The following EPB41L3 variants were observed in gnomAD, a reference collection of about 807,000 sequenced individuals.
EPB41L3 encodes the protein erythrocyte membrane protein band 4.1 like 3, also known as band 4.1-like protein 3.
Under a neutral mutation model 127.1 loss-of-function variants are expected in EPB41L3, and 57 were observed. The ratio of observed to expected loss-of-function variants is 0.45; its 90% CI spans 0.36 to 0.56. The LOEUF (loss-of-function observed/expected upper bound fraction) is 0.56. Among genes scored for constraint, EPB41L3 ranks in the 20% least tolerant of loss-of-function variants. EPB41L3 has a pLI of 0.00. For synonymous variants in EPB41L3, 572 were observed against 549.5 expected (o/e 1.04, Z -0.57); for missense variants, 1,273 against 1,372.2 (o/e 0.93, Z 1.14).
At chr18:5,434,145 A>G in intron 6 of EPB41L3, 24 bp from the exon 7 acceptor site, 3 of 1,596,586 alleles carry the variant, frequency 1.9e-6, no homozygotes, top group Non-Finnish European at 2.6e-6. Flanking sequence ...AAAGCACAAC[A>G]CAACGAAGGC....
intron 3 of EPB41L3, among the ~76,000 whole-genome samples, chr18:5,591,702 C>T (rs1248701932): frequency 6.6e-6 from 1 of 152,160 alleles, no homozygotes; most frequent in African/African-American, 2.4e-5. Flanking sequence ...TGTCATTTTT[C>T]TTTTGTAAAA....
In EPB41L3 at chr18:5,611,258, G is replaced by A. The variant is rs556853020; in HGVS notation, c.-306+1082C>T. 4.6e-5 allele frequency among the ~76,000 whole-genome samples: 7 copies of A among 152,322 alleles called. No homozygotes were observed. In the South Asian group the frequency reaches 1.4e-3, roughly 32 times the overall value. Reference sequence around the variant, plus strand: ...CAGAAACTACACGTGTCCATTGATGGATGAATGGACAAACAAAATGTGGTA... The same window carrying A: ...CAGAAACTACACGTGTCCATTGATGAATGAATGGACAAACAAAATGTGGTA... On this transcript the variant is annotated intron_variant, in intron 3 of 21. Coordinates refer to the EPB41L3 transcript ENST00000545076.
At chr18:5,420,159 A>G (rs1397373959) in intron 11 of EPB41L3, 2 of 523,840 alleles carry the variant, frequency 3.8e-6, no homozygotes, top group East Asian at 7.6e-5. Flanking sequence ...TTGGAATTTC[A>G]TCTATCCTCA....
At chr18:5,420,241 T>C (rs1415737731) in intron 11 of EPB41L3, 3 of 315,382 alleles carry the variant, frequency 9.5e-6, no homozygotes, top group African/African-American at 2.2e-5. Context: ...CCGCTGGGCA[T>C]ATTATCACCA....
At chr18:5,400,466 T>C (rs1339663429) in intron 16 of EPB41L3, 1 of 455,268 alleles carries the variant, frequency 2.2e-6, no homozygotes, top group South Asian at 1.6e-5. Context: ...ATGTTGTTGC[T>C]AGATTAAATG....
intron 1 of EPB41L3, among the ~76,000 whole-genome samples, chr18:5,520,752 C>T (rs1404210699): frequency 6.6e-6 from 1 of 152,188 alleles, no homozygotes; most frequent in Non-Finnish European, 1.5e-5. Context: ...AACTCCCACC[C>T]ACAAGGCCCA....
At position 5,627,513 on chromosome 18, in the gene EPB41L3, A is replaced by G. The variant is rs574009788; in HGVS notation, c.-468+1409T>C. On this transcript the variant is annotated intron_variant, in intron 1 of 21. Coordinates refer to the EPB41L3 transcript ENST00000545076. ...TATTTGAAGTGATTTCACCAATCCC[A>G]AAGAGTTTAAAAACACAACTCATGA... is the stretch of plus-strand genomic sequence containing the variant. Among the ~76,000 whole-genome samples, 8 of 152,340 alleles carry G rather than the reference A, an allele frequency of 5.3e-5. No individual in the cohort carries two copies. In the South Asian group the frequency reaches 1.7e-3, roughly 32 times the overall value.
At chr18:5,440,102 C>G (rs1021324767) in intron 5 of EPB41L3, among the ~76,000 whole-genome samples, 2 of 152,100 alleles carry the variant, frequency 1.3e-5, no homozygotes, top group African/African-American at 4.8e-5. Flanking sequence ...TTAAAAATGC[C>G]AATTCCCAGG....
chr18:5,447,774 T>C (rs548654052), intron 3 of EPB41L3, among the ~76,000 whole-genome samples: 4 of 152,326 alleles, frequency 2.6e-5, no homozygotes, highest in African/African-American at 9.6e-5. Context: ...CTGTTAATGC[T>C]ACCTGGCTCT....
intron 1 of EPB41L3, among the ~76,000 whole-genome samples, chr18:5,494,886 G>A (rs947742353): frequency 1.6e-4 from 25 of 152,232 alleles, no homozygotes; most frequent in Non-Finnish European, 1.5e-5. Context: ...CTGCAAGGCC[G>A]CCTGACCCTC....
chr18:5,563,998 G>A (rs1228753109), intron 3 of EPB41L3, among the ~76,000 whole-genome samples: 2 of 152,130 alleles, frequency 1.3e-5, no homozygotes. Context: ...GGTTGAACAA[G>A]CGCTGTCTTG....
chr18:5,420,637 C>T (rs958148575), intron 11 of EPB41L3, among the ~76,000 whole-genome samples: 2 of 152,154 alleles, frequency 1.3e-5, no homozygotes, highest in African/African-American at 4.8e-5. Flanking sequence ...AAATGCAAAA[C>T]ATGCAAACTC....
chr18:5,628,701 G>C (rs909902327), intron 1 of EPB41L3, among the ~76,000 whole-genome samples: 5 of 152,140 alleles, frequency 3.3e-5, no homozygotes, highest in Non-Finnish European at 7.4e-5. Context: ...AGACGCGGCC[G>C]GCGGGCCGAG....
At chr18:5,466,142 T>C (rs2147293800) in intron 3 of EPB41L3, among the ~76,000 whole-genome samples, 1 of 152,312 alleles carries the variant, frequency 6.6e-6, no homozygotes, top group African/African-American at 2.4e-5. Context: ...TGCCAGATTT[T>C]CCCTTACTCC....
At chr18:5,473,350 T>C (rs2086527292) in intron 3 of EPB41L3, among the ~76,000 whole-genome samples, 1 of 152,008 alleles carries the variant, frequency 6.6e-6, no homozygotes, top group Admixed American at 6.6e-5. Flanking sequence ...CTTAGAGTAA[T>C]GTTCTGGACA....
intron 3 of EPB41L3, among the ~76,000 whole-genome samples, chr18:5,585,233 C>G (rs927637577): frequency 6.6e-6 from 1 of 152,108 alleles, no homozygotes; most frequent in Non-Finnish European, 1.5e-5. Flanking sequence ...AAAACAATTG[C>G]TAATGTGTGA....
chr18:5,611,244 C>G (rs546162710), intron 3 of EPB41L3, among the ~76,000 whole-genome samples: 1 of 152,206 alleles, frequency 6.6e-6, no homozygotes, highest in South Asian at 2.1e-4. Flanking sequence ...AGAAACTACA[C>G]GTGTCCATTG....
At chr18:5,408,519 C>T (rs1032498013) in intron 14 of EPB41L3, among the ~76,000 whole-genome samples, 2 of 151,994 alleles carry the variant, frequency 1.3e-5, no homozygotes, top group African/African-American at 4.8e-5. Context: ...AAGTGATCTG[C>T]CCGCCTCAGC....
chr18:5,417,853 G>A (rs1246985704), intron 12 of EPB41L3, among the ~76,000 whole-genome samples: 1 of 152,094 alleles, frequency 6.6e-6, no homozygotes, highest in African/African-American at 2.4e-5. Flanking sequence ...GAATAATGTA[G>A]CTGCTACACA....
Sources: gnomAD v4.1 joint callset for allele counts (sites outside exome capture counted in the v4.1 genomes callset) on GRCh38, gnomAD v4.1.1 for gene constraint, MANE v1.5 for transcripts, NCBI Gene and HGNC (gene_info 2026-07-23, HGNC 2026-07-21) for gene names.